The following NFRKB variants were observed in gnomAD, a reference collection of about 807,000 sequenced individuals.
The protein encoded by NFRKB is nuclear factor related to kappa-B-binding protein.
NFRKB carries 62 observed loss-of-function variants against 135.7 expected under a neutral mutation model. That is an observed-to-expected ratio of 0.46 (90% confidence interval 0.37 to 0.56). The LOEUF is 0.56. NFRKB is among the 20% of genes least tolerant of loss of function. The probability of loss-of-function intolerance (pLI) is 0.00; values close to 1 mark genes in which losing one functional copy is unlikely to be tolerated. For synonymous variants in NFRKB, 678 were observed against 635.6 expected (o/e 1.07, Z -1.00); for missense variants, 1,545 against 1,662.0 (o/e 0.93, Z 1.22).
intron 24 of NFRKB, among the ~76,000 whole-genome samples, chr11:129,866,846 C>T (rs368710228): frequency 5.9e-5 from 9 of 152,014 alleles, no homozygotes; most frequent in African/African-American, 1.5e-4. Flanking sequence ...CAGCATTCCA[C>T]AGAGGCAGGC....
chr11:129,893,593 AT>A (rs535338417), intron 2 of NFRKB, among the ~76,000 whole-genome samples: 23 of 151,996 alleles, frequency 1.5e-4, no homozygotes, highest in Admixed American at 9.8e-4. Flanking sequence ...GAGAAAGAAT[AT>A]TGTTTGTTGT....
chr11:129,879,718 C>T (rs1036663183), intron 13 of NFRKB, among the ~76,000 whole-genome samples: 1 of 152,148 alleles, frequency 6.6e-6, no homozygotes, highest in Admixed American at 6.5e-5. Flanking sequence ...CGTGAAGAGC[C>T]CTCCTCGGCC....
At chr11:129,891,986 A>C (rs1191388519) in intron 3 of NFRKB, among the ~76,000 whole-genome samples, 1 of 152,238 alleles carries the variant, frequency 6.6e-6, no homozygotes. Context: ...TTCTGGTTTT[A>C]GTAGAAAAGA....
intron 3 of NFRKB, 44 bp from the exon 4 acceptor site, chr11:129,888,839 G>C (rs146576846): frequency 1.3e-6 from 2 of 1,538,194 alleles, no homozygotes; most frequent in African/African-American, 2.7e-5. Context: ...ATAAATTTTT[G>C]AGTTTTTTGT....
rs1232643783 is a variant in NFRKB, at chr11:129,892,701, G to GT, written c.135+13dup. ...TGACAGAGAGGAAAAGGTCACAACC[G>GT]TGTTACTACTCACATCCTCCAGAAG... On this transcript the variant is annotated intron_variant, in intron 3 of 26. Transcript: ENST00000682444. 1 of 1,612,810 alleles carries GT rather than the reference G, an allele frequency of 6.2e-7. No individual in the cohort carries two copies. Among genetic ancestry groups the GT allele is most frequent in the Non-Finnish European group, 8.5e-7 (1 of 1,179,830 alleles).
chr11:129,882,392 C>A, intron 10 of NFRKB, 59 bp downstream of exon 10: 1 of 1,567,918 alleles, frequency 6.4e-7, no homozygotes, highest in Non-Finnish European at 8.7e-7. Flanking sequence ...GGGGCCAGGG[C>A]ACAGCCTATG....
rs373535416 is a variant in NFRKB, at chr11:129,892,810, G to C, written c.40C>G (p.Leu14Val). Residue 14 changes from leucine to valine, a missense_variant, in exon 3 of 27, where the codon CTT (leucine) becomes GTT (valine). Around this residue, in one of 3 missense-constraint regions of NFRKB, gnomAD observed 678 missense variants for 646.7 expected, o/e 1.05. Transcript: ENST00000682444. ...CCATGGCCATCTCCACACGGACCAA[G>C]TTCCAGAGGATCTGTCAGCATATGG... ...LDHMLTDPLE[L>V]GPCGDGHGTR... 1 of 1,614,208 alleles carries C rather than the reference G, an allele frequency of 6.2e-7. No individual in the cohort carries two copies. Among genetic ancestry groups the C allele is most frequent in the South Asian group, 1.1e-5 (1 of 91,084 alleles).
chr11:129,864,472 G>A lies in NFRKB; in HGVS notation c.*253C>T. On this transcript the variant is annotated 3_prime_UTR_variant, in exon 27 of 27. Transcript: ENST00000682444. ...TTGTTGGACGTAACTGGTAATTCCT[G>A]CAATTTCAACAGAATATTCTCCTAG... 2.3e-6 allele frequency: 1 copy of A among 435,428 alleles called. No homozygotes were observed. The highest frequency in any genetic ancestry group is 4.2e-6 in the Non-Finnish European group (1 of 239,740). The allele number at this position is 435,428 out of a possible 1,614,324, so 27.0% of individuals were successfully genotyped here.
chr11:129,893,495 G>C (rs1008737710), intron 2 of NFRKB: 3 of 226,846 alleles, frequency 1.3e-5, no homozygotes, highest in African/African-American at 6.9e-5. Context: ...GAGATGCAGA[G>C]GGTACAATAA....
At chr11:129,868,829 C>T (rs1388956656) in intron 24 of NFRKB, among the ~76,000 whole-genome samples, 1 of 152,064 alleles carries the variant, frequency 6.6e-6, no homozygotes, top group Non-Finnish European at 1.5e-5. Context: ...AGGATTATCG[C>T]GACCAGCATG....
In NFRKB at chr11:129,874,453, C is replaced by G. The variant is rs1369367786; in HGVS notation, c.2058+48G>C. 2 of 1,588,056 alleles carry G rather than the reference C, an allele frequency of 1.3e-6. No homozygotes were observed. Among genetic ancestry groups the G allele is most frequent in the African/African-American group, 2.7e-5 (2 of 73,770 alleles). ...AAAGCCGAGCAGCCACTCTTAGTTG[C>G]CTCCATCCCAGAATCCCTAGGGCAG... On this transcript the variant is annotated intron_variant, in intron 20 of 26. Transcript: ENST00000682444. This position sits in a 1 kb window ranked among gnomAD's most constrained non-coding sequence, Gnocchi z 4.5.
At chr11:129,875,888 C>T (rs1948744676) in intron 17 of NFRKB, among the ~76,000 whole-genome samples, 1 of 152,026 alleles carries the variant, frequency 6.6e-6, no homozygotes, top group Non-Finnish European at 1.5e-5. Flanking sequence ...AACTCCTGAG[C>T]TCAGGTGATC....
intron 8 of NFRKB, among the ~76,000 whole-genome samples, chr11:129,883,855 C>T (rs911761584): frequency 6.6e-6 from 1 of 152,204 alleles, no homozygotes; most frequent in East Asian, 1.9e-4. Context: ...GTCACTGTAA[C>T]GATTAAGGCA....
At chr11:129,893,555 C>CAA (rs572820032) in intron 2 of NFRKB, among the ~76,000 whole-genome samples, 71 of 92,776 alleles carry the variant, frequency 7.7e-4, no homozygotes, top group African/African-American at 2.6e-3. Flanking sequence ...GACCCTGTCT[C>CAA]AAAAAAAAAA....
rs1555091862 is a variant in NFRKB, at chr11:129,886,459, G to A, written c.338-15C>T. On this transcript the variant is annotated splice_polypyrimidine_tract_variant and intron_variant, in intron 4 of 26. Transcript: ENST00000682444. ...AAAGTGTCCGTCTTAAAAAAATAAA[G>A]GTATATATATTTACATCAATCAACA... The A allele has an allele frequency of 1.9e-6, 3 of 1,610,712 alleles. No individual in the cohort carries two copies. The highest frequency in any genetic ancestry group is 2.5e-6 in the Non-Finnish European group (3 of 1,177,996).
rs143616182 is a variant in NFRKB at position 129,883,243 on chromosome 11, A to G, written c.817-37T>C. The stretch of plus-strand genomic sequence containing the variant: ...ATCCAGAATTTGGTCATGGAGGCCC[A>G]AAAAGGAGCAAAAACTGAGGTGACT... On this transcript the variant is annotated intron_variant, in intron 8 of 26. Transcript: ENST00000682444. 17 of 1,553,422 alleles carry G rather than the reference A, an allele frequency of 1.1e-5. No homozygotes were observed. In the Admixed American group the frequency reaches 2.9e-4, roughly 27 times the overall value.
At chr11:129,891,997 T>C (rs1949578021) in intron 3 of NFRKB, among the ~76,000 whole-genome samples, 1 of 152,232 alleles carries the variant, frequency 6.6e-6, no homozygotes, top group South Asian at 2.1e-4. Context: ...GTAGAAAAGA[T>C]ACCCACTGAT....
chr11:129,880,739 C>A (rs1292643643), intron 13 of NFRKB, among the ~76,000 whole-genome samples: 1 of 152,212 alleles, frequency 6.6e-6, no homozygotes, highest in Admixed American at 6.5e-5. Flanking sequence ...GAGGAGCACA[C>A]TGTCTCAGAA....
Position 129,874,870 on chromosome 11 carries a change from T to C in NFRKB, c.1901A>G (p.Lys634Arg). 1 of 1,614,214 alleles carries C rather than the reference T, an allele frequency of 6.2e-7. No homozygotes were observed. The highest frequency in any genetic ancestry group is 8.5e-7 in the Non-Finnish European group (1 of 1,180,036). Residue 634 changes from lysine (K) to arginine (R), a missense_variant, in exon 19 of 27, where the codon AAA (lysine) becomes AGA (arginine). Coordinates refer to ENST00000682444, the MANE Select transcript of NFRKB (RefSeq NM_001143835.2). The surrounding 1 kb of genome is among the most constrained non-coding windows in gnomAD (Gnocchi z 4.5). Reference sequence around the variant, plus strand: ...AATGTCGTATTTCACACAGGGATCTTTTTCGTAATGTAGCCGATCCAGTGC... The same window carrying C: ...AATGTCGTATTTCACACAGGGATCTCTTTCGTAATGTAGCCGATCCAGTGC... ...SGALDRLHYE[K>R]DPCVKYDIGR... is the part of the protein sequence containing the mutation.
Sources: gnomAD v4.1 joint callset for allele counts (sites outside exome capture counted in the v4.1 genomes callset) on GRCh38, gnomAD v4.1.1 for gene constraint, gnomAD v4.1.1 regional missense constraint, Gnocchi (gnomAD v3.1) non-coding constraint, MANE v1.5 for transcripts, NCBI Gene and HGNC (gene_info 2026-07-23, HGNC 2026-07-21) for gene names.